The following LYPD1 variants were observed in gnomAD, a reference collection of about 807,000 sequenced individuals.
The protein encoded by LYPD1 is ly6/PLAUR domain-containing protein 1.
Under a neutral mutation model 14.2 loss-of-function variants are expected in LYPD1, and 14 were observed. That is an observed-to-expected ratio of 0.99 (90% CI 0.65 to 1.54). The LOEUF (loss-of-function observed/expected upper bound fraction) is 1.54, where lower values mean the gene tolerates loss of function less well. LYPD1 is among the 40% of genes most tolerant of loss of function. The pLI, the probability that LYPD1 is intolerant of heterozygous loss-of-function variation, is 0.00. For synonymous variants in LYPD1, 85 were observed against 70.6 expected, an observed-to-expected ratio of 1.20 and a Z score of -1.02; for missense variants, 165 against 175.7, an observed-to-expected ratio of 0.94 and a Z score of 0.34.
intron 2 of LYPD1, among the ~76,000 whole-genome samples, chr2:132,665,812 G>A (rs1683235087): frequency 6.6e-6 from 1 of 152,208 alleles, no homozygotes; most frequent in African/African-American, 2.4e-5. Flanking sequence ...GCTTCTTTAA[G>A]CAGAGACCCA....
chr2:132,663,310 G>T (rs1165518397), intron 2 of LYPD1, among the ~76,000 whole-genome samples: 1 of 152,168 alleles, frequency 6.6e-6, no homozygotes, highest in Non-Finnish European at 1.5e-5. Context: ...GTCTCACTCT[G>T]TTGCCCAGGC....
At chr2:132,646,558 TATTTAC>T (rs1048777626) in intron 2 of LYPD1, 1 of 327,714 alleles carries the variant, frequency 3.1e-6, no homozygotes. Flanking sequence ...TAAATAGACT[TATTTAC>T]ATTTTAAGTC....
At chr2:132,651,295 G>T (rs17396537) in intron 2 of LYPD1, among the ~76,000 whole-genome samples, 1 of 152,030 alleles carries the variant, frequency 6.6e-6, no homozygotes, top group South Asian at 2.1e-4. Flanking sequence ...GTCCACCAGA[G>T]GGCTCTAGGG....
chr2:132,645,149 G>T lies in LYPD1; in HGVS notation c.*896C>A. On this transcript the variant is annotated 3_prime_UTR_variant, in exon 3 of 3. Transcript: ENST00000397463. Reference sequence around the variant, plus strand: ...GTATGCTGGATGCCCAACCAGATTCGGAGGATCATGGCTGCGGCCAAACCC... The same window carrying T: ...GTATGCTGGATGCCCAACCAGATTCTGAGGATCATGGCTGCGGCCAAACCC... 1 of 1,614,054 alleles carries T rather than the reference G, an allele frequency of 6.2e-7. No homozygotes were observed. Among genetic ancestry groups the T allele is most frequent in the Non-Finnish European group, 8.5e-7 (1 of 1,180,012 alleles).
Position 132,645,951 on chromosome 2 carries a change from A to C in LYPD1, c.*94T>G. The stretch of plus-strand genomic sequence containing the variant: ...GGACTCCCGCTCCCTACCCAGAATA[A>C]AAGGACACCCAGAAGAAACTCACTC... On this transcript the variant is annotated 3_prime_UTR_variant, in exon 3 of 3. Coordinates refer to ENST00000397463, the MANE Select transcript of LYPD1 (RefSeq NM_144586.7). 1.1e-6 allele frequency: 1 copy of C among 945,198 alleles called. No homozygotes were observed. Among genetic ancestry groups the C allele is most frequent in the Non-Finnish European group, 1.6e-6 (1 of 641,126 alleles). The allele number at this position is 945,198 out of a possible 1,614,324, so 58.6% of individuals were successfully genotyped here.
intron 2 of LYPD1, among the ~76,000 whole-genome samples, chr2:132,667,781 G>A (rs928790416): frequency 1.3e-5 from 2 of 152,110 alleles, no homozygotes; most frequent in African/African-American, 2.4e-5. Flanking sequence ...AGGGAGTGAG[G>A]GCTATCCCAC....
chr2:132,649,564 A>C (rs1682272765), intron 2 of LYPD1, among the ~76,000 whole-genome samples: 1 of 152,192 alleles, frequency 6.6e-6, no homozygotes, highest in African/African-American at 2.4e-5. Flanking sequence ...ATTGAATACC[A>C]CACAGGCTGC....
chr2:132,655,391 G>T (rs1682526642), intron 2 of LYPD1, among the ~76,000 whole-genome samples: 1 of 152,018 alleles, frequency 6.6e-6, no homozygotes, highest in Admixed American at 6.6e-5. Context: ...TAGAATCTGG[G>T]TGAGAAAGAA....
In LYPD1 at chr2:132,645,967, A is replaced by C; in HGVS notation, c.*78T>G. On this transcript the variant is annotated 3_prime_UTR_variant, in exon 3 of 3. Transcript: ENST00000397463. ...CCCAGAATAAAAGGACACCCAGAAG[A>C]AACTCACTCAGGGAGGTGGGGGGTT... 9.1e-7 allele frequency: 1 copy of C among 1,098,540 alleles called. No homozygotes were observed. Among genetic ancestry groups the C allele is most frequent in the Non-Finnish European group, 1.3e-6 (1 of 774,192 alleles). The allele number at this position is 1,098,540 out of a possible 1,614,324, so 68.0% of individuals were successfully genotyped here.
At chr2:132,660,158 C>A (rs776641300) in intron 2 of LYPD1, among the ~76,000 whole-genome samples, 1 of 152,224 alleles carries the variant, frequency 6.6e-6, no homozygotes, top group Non-Finnish European at 1.5e-5. Context: ...AAGCTATTGT[C>A]CATGTCCAGT....
In LYPD1 at chr2:132,644,761, A is replaced by AT. The variant is rs1453500123; in HGVS notation, c.*1283dup. The stretch of plus-strand genomic sequence containing the variant: ...TTAAAACAAAAAAAGACAAAACCAG[A>AT]TTTATGGATAACATGAACTGCTTTC... On this transcript the variant is annotated 3_prime_UTR_variant, in exon 3 of 3. Coordinates refer to ENST00000397463, the MANE Select transcript of LYPD1 (RefSeq NM_144586.7). 4.0e-6 allele frequency: 1 copy of AT among 251,968 alleles called. No individual in the cohort carries two copies. The highest frequency in any genetic ancestry group is 5.0e-5 in the Admixed American group (1 of 19,948). 15.6% of individuals were successfully genotyped at this position (251,968 alleles called of 1,614,324 possible). A position where few individuals can be genotyped will look rare whatever the true frequency, so the allele number is the denominator to read the frequency against.
At chr2:132,656,168 A>G (rs956758042) in intron 2 of LYPD1, among the ~76,000 whole-genome samples, 21 of 152,322 alleles carry the variant, frequency 1.4e-4, no homozygotes, top group African/African-American at 5.1e-4. Flanking sequence ...ATCTTTTCCA[A>G]TAGTTTCCTT....
chr2:132,653,732 G>A (rs549308748), intron 2 of LYPD1, among the ~76,000 whole-genome samples: 96 of 152,178 alleles, frequency 6.3e-4, no homozygotes, highest in Non-Finnish European at 1.2e-3. Flanking sequence ...TGAATCAAAA[G>A]CGATCAAAGT....
In LYPD1 at chr2:132,645,669, ACT is replaced by A; in HGVS notation, c.*374_*375del. 1 of 1,550,054 alleles carries A rather than the reference ACT, an allele frequency of 6.5e-7. No homozygotes were observed. The highest frequency in any genetic ancestry group is 1.4e-5 in the African/African-American group (1 of 72,842). On this transcript the variant is annotated 3_prime_UTR_variant, in exon 3 of 3. Transcript: ENST00000397463. ...CCAGCCCTAAGAAAACGTCACTCTC[ACT>A]CTGCAGTCTCAAACTATGCCCCCAT...
rs1681991761 is a variant in LYPD1, at chr2:132,645,211, A to ATGATCCTCCTCCCCTTCTCGGAGACGT, written c.*807_*833dup. The ATGATCCTCCTCCCCTTCTCGGAGACGT allele has an allele frequency of 6.2e-7, 1 of 1,614,000 alleles. No homozygotes were observed. Among genetic ancestry groups the ATGATCCTCCTCCCCTTCTCGGAGACGT allele is most frequent in the East Asian group, 2.2e-5 (1 of 44,882 alleles). Reference sequence around the variant, plus strand: ...GACGAGGTCCTACTTCCGGGCGTACATGATCCTCCTCCCCTTCTCGGAGAC... The same window carrying ATGATCCTCCTCCCCTTCTCGGAGACGT: ...GACGAGGTCCTACTTCCGGGCGTACATGATCCTCCTCCCCTTCTCGGAGACGTTGATCCTCCTCCCCTTCTCGGAGAC... On this transcript the variant is annotated 3_prime_UTR_variant, in exon 3 of 3. Coordinates refer to ENST00000397463, the MANE Select transcript of LYPD1 (RefSeq NM_144586.7).
At chr2:132,666,119 C>A (rs956234675) in intron 2 of LYPD1, among the ~76,000 whole-genome samples, 2 of 152,204 alleles carry the variant, frequency 1.3e-5, no homozygotes, top group Non-Finnish European at 2.9e-5. Context: ...GTGCAACCCA[C>A]AGAAAAGAGT....
Position 132,669,912 on chromosome 2 carries a change from C to G in LYPD1, c.21G>C (p.Ala7=). The G allele has an allele frequency of 6.2e-7, 1 of 1,612,884 alleles. No individual in the cohort carries two copies. The highest frequency in any genetic ancestry group is 8.5e-7 in the Non-Finnish European group (1 of 1,179,400). The part of the protein sequence containing the change: MWVLGI[A]ATFCGLFLLP... Reference sequence around the variant, plus strand: ...GCAAGAACAATCCGCAAAAAGTTGCCGCGATGCCTAGGACCCACATTCTCC... The same window carrying G: ...GCAAGAACAATCCGCAAAAAGTTGCGGCGATGCCTAGGACCCACATTCTCC... Residue 7 remains alanine, a synonymous_variant, in exon 1 of 3, where the codon GCG becomes GCC. Transcript: ENST00000397463. The surrounding 1 kb of genome is among the most constrained non-coding windows in gnomAD (Gnocchi z 4.3).
chr2:132,645,086 C>G lies in LYPD1; in HGVS notation c.*959G>C. ...TTCTTTTCTCTGTCTCTCCCTCCTG[C>G]TCGTGTCTGCCCAGGGCTGATTGTT... is the stretch of plus-strand genomic sequence containing the variant. On this transcript the variant is annotated 3_prime_UTR_variant, in exon 3 of 3. Transcript: ENST00000397463. 1.3e-6 allele frequency: 2 copies of G among 1,599,612 alleles called. No homozygotes were observed. Among genetic ancestry groups the G allele is most frequent in the Non-Finnish European group, 1.7e-6 (2 of 1,171,532 alleles).
chr2:132,658,916 C>A (rs1350831388), intron 2 of LYPD1, among the ~76,000 whole-genome samples: 3 of 151,834 alleles, frequency 2.0e-5, no homozygotes, highest in Non-Finnish European at 4.4e-5. Flanking sequence ...ACCTGGACCC[C>A]AGCTTCCTCA....
Sources: gnomAD v4.1 joint callset for allele counts (sites outside exome capture counted in the v4.1 genomes callset) on GRCh38, gnomAD v4.1.1 for gene constraint, Gnocchi (gnomAD v3.1) non-coding constraint, MANE v1.5 for transcripts, NCBI Gene and HGNC (gene_info 2026-07-23, HGNC 2026-07-21) for gene names.